Variants in MTCL2 observed in about 807,000 individuals in gnomAD.
MTCL2 encodes the protein microtubule crosslinking factor 2.
the MTCL2 span, chr20:36,839,497 G>A: frequency 6.6e-4 from 1,018 of 1,531,140 alleles, 4 homozygotes; most frequent in African/African-American, 8.6e-3. The surrounding 1 kb of genome is among the most constrained non-coding windows in gnomAD (Gnocchi z 5.1). Context: ...CTAGGAGGCC[G>A]GAGTACTGGC....
the MTCL2 span, chr20:36,802,864 G>A: frequency 6.3e-7 from 1 of 1,579,424 alleles, no homozygotes; most frequent in Non-Finnish European, 8.6e-7. Flanking sequence ...ACCTGGCTTA[G>A]GCGGTTCTGC....
the MTCL2 span, chr20:36,786,179 C>T: frequency 2.9e-6 from 3 of 1,034,230 alleles, no homozygotes; most frequent in African/African-American, 3.4e-5. Context: ...AGGCAAGGCT[C>T]TCTCTTAGGA....
chr20:36,804,814 G>A, the MTCL2 span: 25 of 1,613,840 alleles, frequency 1.5e-5, no homozygotes, highest in Admixed American at 6.7e-5. Flanking sequence ...CTGAAGCTCC[G>A]TCAGACCACG....
At chr20:36,846,388 T>C in the MTCL2 span, among the ~76,000 whole-genome samples, 2 of 152,138 alleles carry the variant, frequency 1.3e-5, no homozygotes, top group African/African-American at 4.8e-5. Context: ...AAGGCTACTC[T>C]TGAAGCTAAC....
chr20:36,827,960 G>A, the MTCL2 span, among the ~76,000 whole-genome samples: 4 of 152,212 alleles, frequency 2.6e-5, no homozygotes, highest in Admixed American at 2.6e-4. Flanking sequence ...TCCTCTCCCT[G>A]CACACTGAGA....
the MTCL2 span, among the ~76,000 whole-genome samples, chr20:36,853,058 A>C: frequency 7.2e-6 from 1 of 138,984 alleles, no homozygotes; most frequent in Non-Finnish European, 1.6e-5. Context: ...CTTCGTCTCC[A>C]AAAAAAAAAA....
chr20:36,810,660 T>C, the MTCL2 span, among the ~76,000 whole-genome samples: 72 of 151,488 alleles, frequency 4.8e-4, no homozygotes, highest in Middle Eastern at 3.5e-3. Context: ...CAGTGGGAAC[T>C]ATGTGAAGAC....
chr20:36,806,055 A>G, the MTCL2 span: 2 of 913,146 alleles, frequency 2.2e-6, no homozygotes, highest in African/African-American at 1.7e-5. Flanking sequence ...ACGGCTGGAT[A>G]GTCAGGCCCT....
the MTCL2 span, among the ~76,000 whole-genome samples, chr20:36,792,854 A>G: frequency 7.3e-6 from 1 of 137,230 alleles, no homozygotes; most frequent in Non-Finnish European, 1.5e-5. Context: ...ATAGATAGAT[A>G]GATAGACAGA....
the MTCL2 span, among the ~76,000 whole-genome samples, chr20:36,854,188 T>G: frequency 1.5e-4 from 23 of 152,298 alleles, no homozygotes; most frequent in African/African-American, 5.5e-4. Context: ...ACAGGCTGCA[T>G]GACCTCTAAC....
At chr20:36,819,666 A>C in the MTCL2 span, among the ~76,000 whole-genome samples, 1 of 152,076 alleles carries the variant, frequency 6.6e-6, no homozygotes, top group Non-Finnish European at 1.5e-5. Flanking sequence ...CTGAGACATC[A>C]GTATTTTTCA....
chr20:36,810,051 T>C, the MTCL2 span: 1 of 1,600,234 alleles, frequency 6.2e-7, no homozygotes, highest in Non-Finnish European at 8.5e-7. Flanking sequence ...AGAGCTGCTC[T>C]TGCAAGCCCC....
the MTCL2 span, among the ~76,000 whole-genome samples, chr20:36,852,313 C>T: frequency 0.02 from 2,880 of 142,488 alleles, 53 homozygotes; most frequent in Middle Eastern, 0.045. Flanking sequence ...TGCCCGGGCC[C>T]GGGCCACTCA....
the MTCL2 span, chr20:36,794,266 G>T: frequency 3.9e-6 from 6 of 1,551,692 alleles, no homozygotes; most frequent in Non-Finnish European, 5.2e-6. The surrounding 1 kb of genome is among the most constrained non-coding windows in gnomAD (Gnocchi z 5.4). Context: ...TAATGATCTT[G>T]CCCTCTTTGT....
the MTCL2 span, chr20:36,781,338 C>T: frequency 6.6e-6 from 1 of 152,064 alleles, no homozygotes; most frequent in Non-Finnish European, 1.5e-5. Context: ...GAGTTCAAGA[C>T]CAGCCTGGCC....
chr20:36,798,986 T>G, the MTCL2 span, among the ~76,000 whole-genome samples: 8 of 152,192 alleles, frequency 5.3e-5, no homozygotes, highest in Non-Finnish European at 1.0e-4. Flanking sequence ...GTCACCTTAC[T>G]TGTACTTGAA....
chr20:36,821,852 T>G, the MTCL2 span, among the ~76,000 whole-genome samples: 1 of 152,228 alleles, frequency 6.6e-6, no homozygotes, highest in Non-Finnish European at 1.5e-5. Context: ...CTTCTAATCT[T>G]TTTCTGCTAA....
chr20:36,816,826 C>T, the MTCL2 span, among the ~76,000 whole-genome samples: 2 of 152,202 alleles, frequency 1.3e-5, no homozygotes, highest in African/African-American at 4.8e-5. Flanking sequence ...AGATTCAAGC[C>T]TGGGTCTCCA....
chr20:36,820,237 G>C, the MTCL2 span, among the ~76,000 whole-genome samples: 246 of 152,246 alleles, frequency 1.6e-3, 3 homozygotes, highest in Middle Eastern at 0.024. Context: ...TGGATTAGGT[G>C]ACCAGAGCCC....
Sources: allele counts gnomAD v4.1 joint callset (sites outside exome capture counted in the v4.1 genomes callset), GRCh38; gene constraint gnomAD v4.1.1; non-coding constraint Gnocchi (gnomAD v3.1); transcripts MANE v1.5; gene names NCBI Gene and HGNC (gene_info 2026-07-23, HGNC 2026-07-21).